Variants in PCDHGA4 observed in about 807,000 individuals in gnomAD.
The protein encoded by PCDHGA4 is protocadherin gamma-A4.
In PCDHGA4, 38 loss-of-function variants were observed where a neutral mutation model predicts 54.6. That is an observed-to-expected ratio of 0.70 (90% confidence interval 0.54 to 0.91). The LOEUF is 0.91. PCDHGA4 is among the 40% of genes least tolerant of loss of function. PCDHGA4 has a pLI of 0.00. For synonymous variants in PCDHGA4, 511 were observed against 512.9 expected (o/e 1.00, Z 0.05); for missense variants, 1,298 against 1,220.9 (o/e 1.06, Z -0.94).
chr5:141,404,081 G>A (rs1436868245), intron 1 of PCDHGA4: 10 of 1,613,302 alleles, frequency 6.2e-6, no homozygotes, highest in South Asian at 2.2e-5. Context: ...CCGAGACTCC[G>A]GGAAGAATGG....
At chr5:141,404,560 C>T (rs2094540099) in intron 1 of PCDHGA4, 37 of 1,613,460 alleles carry the variant, frequency 2.3e-5, no homozygotes, top group Non-Finnish European at 3.1e-5. Flanking sequence ...CGGCAAGTGA[C>T]AGTGGAAGCC....
At chr5:141,480,935 C>G (rs1297213622) in intron 1 of PCDHGA4, among the ~76,000 whole-genome samples, 1 of 152,092 alleles carries the variant, frequency 6.6e-6, no homozygotes, top group Non-Finnish European at 1.5e-5. Flanking sequence ...GTCCCAGCTA[C>G]TCTAGAGGCT....
chr5:141,509,051 A>G (rs1051961974), intron 3 of PCDHGA4, among the ~76,000 whole-genome samples: 1 of 152,166 alleles, frequency 6.6e-6, no homozygotes, highest in Admixed American at 6.5e-5. Context: ...CCCCGCCCCC[A>G]GAAAGCTCTC....
intron 1 of PCDHGA4, chr5:141,408,715 G>T: frequency 1.9e-6 from 3 of 1,612,078 alleles, no homozygotes; most frequent in Non-Finnish European, 2.5e-6. Flanking sequence ...AAGATTATAA[G>T]ATAAACTCTA....
At chr5:141,374,785 T>A in intron 1 of PCDHGA4, 1 of 1,613,874 alleles carries the variant, frequency 6.2e-7, no homozygotes, top group Non-Finnish European at 8.5e-7. Context: ...CAGTTCTAGA[T>A]GTGAATGACA....
chr5:141,370,196 T>C (rs1298112145), intron 1 of PCDHGA4: 4 of 533,354 alleles, frequency 7.5e-6, no homozygotes, highest in Admixed American at 3.6e-5. Context: ...GCTAGTGCTG[T>C]GCAAAATATT....
At chr5:141,463,784 T>G (rs2099069378) in intron 1 of PCDHGA4, among the ~76,000 whole-genome samples, 1 of 152,194 alleles carries the variant, frequency 6.6e-6, no homozygotes, top group South Asian at 2.1e-4. Context: ...CTGCACTGTC[T>G]TTTGAACAAA....
intron 1 of PCDHGA4, chr5:141,376,311 T>A: frequency 1.2e-6 from 2 of 1,613,882 alleles, no homozygotes; most frequent in Non-Finnish European, 1.7e-6. Context: ...TTTGTGGGCG[T>A]GGAAGGGGTT....
rs190948188 is a variant in PCDHGA4 at position 141,505,972 on chromosome 5, C to T, written c.2662+491C>T. Among the ~76,000 whole-genome samples the T allele has an allele frequency of 5.4e-4, 82 of 152,250 alleles. 1 individual carries two copies. The highest frequency in any genetic ancestry group is 1.9e-3 in the African/African-American group (79 of 41,558). ...GAAAGTGGGTGTAGAAATCCCCAGC[C>T]GAGAGAACACCTCCTCTTTATGCGA... On this transcript the variant is annotated intron_variant, in intron 3 of 3. Transcript: ENST00000571252.
At chr5:141,401,102 G>C (rs1372226488) in intron 1 of PCDHGA4, among the ~76,000 whole-genome samples, 3 of 152,150 alleles carry the variant, frequency 2.0e-5, no homozygotes, top group Non-Finnish European at 4.4e-5. Context: ...CCAGCACTTT[G>C]GGAGGCCGAG....
Position 141,485,790 on chromosome 5 carries a change from C to T in PCDHGA4, c.2515-9017C>T. On this transcript the variant is annotated intron_variant, in intron 1 of 3. Transcript: ENST00000571252. This position sits in a 1 kb window ranked among gnomAD's most constrained non-coding sequence, Gnocchi z 5.7. The stretch of plus-strand genomic sequence containing the variant: ...AAGCCTTTGGATCGAGAGAAGCAAT[C>T]GGACTACCGCCTGGTGCTGACTGCT... 6.2e-7 allele frequency: 1 copy of T among 1,614,204 alleles called. No homozygotes were observed. Among genetic ancestry groups the T allele is most frequent in the Non-Finnish European group, 8.5e-7 (1 of 1,180,032 alleles).
At chr5:141,377,453 C>T (rs1242702883) in intron 1 of PCDHGA4, 1 of 151,916 alleles carries the variant, frequency 6.6e-6, no homozygotes, top group Non-Finnish European at 1.5e-5. Flanking sequence ...AAAAAGTAGC[C>T]AGATGTGTGG....
Position 141,421,984 on chromosome 5 carries a change from C to G in PCDHGA4, c.2514+64363C>G, listed in dbSNP as rs201871921. On this transcript the variant is annotated intron_variant, in intron 1 of 3. Transcript: ENST00000571252. ...ACAGTCCGTATATCGCGTGAGTGTT[C>G]CAGAAAACATCAGCTCCGGAACTCG... 21 of 1,608,770 alleles carry G rather than the reference C, an allele frequency of 1.3e-5. No homozygotes were observed. In the Admixed American group the frequency reaches 2.4e-4, roughly 18 times the overall value.
chr5:141,409,919 G>C (rs774277848), intron 1 of PCDHGA4: 1 of 1,613,346 alleles, frequency 6.2e-7, no homozygotes, highest in South Asian at 1.1e-5. Flanking sequence ...TGACGGCTCC[G>C]CGTTCTTCGA....
chr5:141,425,426 A>T (rs1227154364), intron 1 of PCDHGA4, among the ~76,000 whole-genome samples: 1 of 152,236 alleles, frequency 6.6e-6, no homozygotes, highest in African/African-American at 2.4e-5. Flanking sequence ...AGTCCCATTA[A>T]ATAGAGGATA....
intron 1 of PCDHGA4, among the ~76,000 whole-genome samples, chr5:141,434,192 A>G (rs2097676888): frequency 6.6e-6 from 1 of 152,194 alleles, no homozygotes; most frequent in Non-Finnish European, 1.5e-5. Context: ...TGTAATTCCA[A>G]TGTACTTACT....
chr5:141,403,517 G>A, intron 1 of PCDHGA4: 1 of 1,614,030 alleles, frequency 6.2e-7, no homozygotes, highest in Non-Finnish European at 8.5e-7. Context: ...AGACAATGGA[G>A]CCATAAACCC....
chr5:141,357,432 C>G lies in PCDHGA4; in HGVS notation c.2325C>G (p.Asp775Glu). ...GVPASHFVGV[D>E]GVRAFLQTYS... Reference sequence around the variant, plus strand: ...CTGCCTCGCACTTTGTGGGCGTGGACGGGGTTCGGGCTTTCCTGCAGACCT... The same window carrying G: ...CTGCCTCGCACTTTGTGGGCGTGGAGGGGGTTCGGGCTTTCCTGCAGACCT... Residue 775 changes from aspartate to glutamate, a missense_variant, in exon 1 of 4, where the codon GAC becomes GAG. Coordinates refer to ENST00000571252, the MANE Select transcript of PCDHGA4 (RefSeq NM_018917.4). The G allele has an allele frequency of 6.2e-7, 1 of 1,614,212 alleles. No homozygotes were observed. The highest frequency in any genetic ancestry group is 8.5e-7 in the Non-Finnish European group (1 of 1,180,052).
chr5:141,429,395 A>AAT (rs2097212201), intron 1 of PCDHGA4, among the ~76,000 whole-genome samples: 7 of 152,008 alleles, frequency 4.6e-5, no homozygotes, highest in African/African-American at 1.7e-4. Flanking sequence ...TTTAAAAAAA[A>AAT]TTGAGATTAA....
Sources: allele counts gnomAD v4.1 joint callset (sites outside exome capture counted in the v4.1 genomes callset), GRCh38; gene constraint gnomAD v4.1.1; non-coding constraint Gnocchi (gnomAD v3.1); transcripts MANE v1.5; gene names NCBI Gene and HGNC (gene_info 2026-07-23, HGNC 2026-07-21).